Variants in DSC2 observed in about 807,000 individuals in gnomAD.
DSC2 encodes the protein desmocollin 2, also known as desmocollin-2.
A neutral mutation model predicts 87.6 loss-of-function variants in DSC2; 51 were observed. The observed-to-expected ratio is 0.58, with a 90% CI of 0.46 to 0.74. The LOEUF is 0.74. Ranked by LOEUF, DSC2 falls within the 30% of genes least tolerant of loss-of-function variation. DSC2 has a pLI of 0.00. For missense variants in DSC2, 1,066 were observed against 1,089.5 expected, an observed-to-expected ratio of 0.98 and a Z score of 0.30; for synonymous variants, 383 against 393.2, an observed-to-expected ratio of 0.97 and a Z score of 0.31.
chr18:31,066,412 T>G lies in DSC2; in HGVS notation c.*1603A>C. ...ATCATGACTAGTAATATATAAGAATTTTGTATATACTTTATTAAAAATAAC... is the reference window on the plus strand; with the variant it reads ...ATCATGACTAGTAATATATAAGAATGTTGTATATACTTTATTAAAAATAAC... On this transcript the variant is annotated 3_prime_UTR_variant, in exon 16 of 16. Coordinates refer to ENST00000280904, the MANE Select transcript of DSC2 (RefSeq NM_024422.6). The G allele has an allele frequency of 6.6e-6, 1 of 152,282 alleles. No individual in the cohort carries two copies. The highest frequency in any genetic ancestry group is 1.9e-4 in the East Asian group (1 of 5,186). 9.4% of individuals were successfully genotyped at this position (152,282 alleles called of 1,614,324 possible).
In DSC2 at chr18:31,086,580, C is replaced by T; in HGVS notation, c.938G>A (p.Arg313Lys). ...VITTTSSQLD[R>K]ELIDKYQLKI... ...TTTTATTAATGTTTATGTTACCTCTCTGTCTAGCTGAGATGATGTTGTGGT... is the reference window on the plus strand; with the variant it reads ...TTTTATTAATGTTTATGTTACCTCTTTGTCTAGCTGAGATGATGTTGTGGT... Residue 313 changes from arginine to lysine, a missense_variant, in exon 7 of 16, where the codon AGA becomes AAA. Arg to Lys is a conservative substitution (Grantham distance 26, BLOSUM62 2). Transcript: ENST00000280904. 1.2e-6 allele frequency: 2 copies of T among 1,614,112 alleles called. No individual in the cohort carries two copies. The highest frequency in any genetic ancestry group is 1.7e-6 in the Non-Finnish European group (2 of 1,179,988).
rs965885003 is a variant in DSC2 at position 31,066,626 on chromosome 18, T to C, written c.*1389A>G. 3.2e-4 allele frequency: 49 copies of C among 152,210 alleles called. No individual in the cohort carries two copies. Among genetic ancestry groups the C allele is most frequent in the African/African-American group, 1.1e-3 (47 of 41,558 alleles). 9.4% of individuals were successfully genotyped at this position (152,210 alleles called of 1,614,324 possible). On this transcript the variant is annotated 3_prime_UTR_variant, in exon 16 of 16. Coordinates refer to ENST00000280904, the MANE Select transcript of DSC2 (RefSeq NM_024422.6). ...AAAATGTCCATATGTTTAGTATAAA[T>C]AGAAAATTCATTGACTAAAATAAGT...
rs139399951 is a variant in DSC2 at position 31,082,930 on chromosome 18, G to A, written c.1073C>T (p.Thr358Ile). 1.2e-3 allele frequency: 1,888 copies of A among 1,613,162 alleles called. 4 individuals carry two copies. Among genetic ancestry groups the A allele is most frequent in the Admixed American group, 1.4e-3 (84 of 60,006 alleles). ...VNDHLPTFTR[T>I]SYVTSVEENT... ...TAATTAATATCATACACTTACAGAA[G>A]TACGAGTAAATGTTGGCAAGTGGTC... The change falls in exon 8 of 16, where the codon ACT (threonine) becomes ATT (isoleucine). Residue 358 changes from threonine (T) to isoleucine (I), a missense_variant. Transcript: ENST00000280904.
chr18:31,067,371 A>C lies in DSC2; in HGVS notation c.*644T>G, dbSNP rs1986659141. 6.6e-6 allele frequency: 1 copy of C among 152,178 alleles called. No homozygotes were observed. The highest frequency in any genetic ancestry group is 2.4e-5 in the African/African-American group (1 of 41,466). 9.4% of individuals were successfully genotyped at this position (152,178 alleles called of 1,614,324 possible). ...TAAAAATACATTCTGAAAGTATTTT[A>C]AAACTTAAATTTCACTGGCAAAAGT... On this transcript the variant is annotated 3_prime_UTR_variant, in exon 16 of 16. Transcript: ENST00000280904.
Position 31,102,007 on chromosome 18 carries a change from G to C in DSC2, c.-36C>G, listed in dbSNP as rs1017601397. 12 of 1,471,592 alleles carry C rather than the reference G, an allele frequency of 8.2e-6. No homozygotes were observed. The highest frequency in any genetic ancestry group is 9.9e-6 in the Non-Finnish European group (11 of 1,114,408). The allele number at this position is 1,471,592 out of a possible 1,614,324, so 91.2% of individuals were successfully genotyped here. ...CGGGGCAGGTCGCGGGCCGAGCGTC[G>C]GGCCGGGGTAGGAGGGCTCCGCGGG... On this transcript the variant is annotated 5_prime_UTR_variant, in exon 1 of 16. Transcript: ENST00000280904.
At chr18:31,072,422 G>T (rs952128424) in intron 12 of DSC2, among the ~76,000 whole-genome samples, 1 of 152,162 alleles carries the variant, frequency 6.6e-6, no homozygotes, top group African/African-American at 2.4e-5. Flanking sequence ...GGGACCAACT[G>T]CACGTGTCTT....
chr18:31,090,459 A>G (rs903371624), intron 4 of DSC2, among the ~76,000 whole-genome samples: 7 of 152,328 alleles, frequency 4.6e-5, no homozygotes, highest in African/African-American at 1.7e-4. Context: ...TGCTTGGCTC[A>G]TGCCTGTAAT....
rs1364738194 is a variant in DSC2, at chr18:31,069,028, G to A, written c.2374C>T (p.Gln792Ter). 1 of 1,613,990 alleles carries A rather than the reference G, an allele frequency of 6.2e-7. No individual in the cohort carries two copies. Among genetic ancestry groups the A allele is most frequent in the Non-Finnish European group, 8.5e-7 (1 of 1,179,972 alleles). ...GCCCCCCGGCAGGATTCCGAGGTCT[G>A]GTGTCCTCCTTTCACCATTTCGATG... ...ETIEMVKGGH[Q>*]TSESCRGAGH... Residue 792 changes from glutamine (Q) to a stop codon, truncating the protein, a stop_gained, in exon 15 of 16, where the codon CAG becomes TAG. Transcript: ENST00000280904. LOFTEE classifies it high-confidence loss of function.
Position 31,086,612 on chromosome 18 carries a change from G to A in DSC2, c.906C>T (p.Gly302=), listed in dbSNP as rs776857618. 2.8e-5 allele frequency: 45 copies of A among 1,614,040 alleles called. No individual in the cohort carries two copies. Among genetic ancestry groups the A allele is most frequent in the South Asian group, 2.6e-4 (24 of 91,084 alleles). ...PTLFSMHPTT[G]VITTTSSQLD... Reference sequence around the variant, plus strand: ...GCTGAGATGATGTTGTGGTGATCACGCCTGTAGTTGGATGCATAGAAAATA... The same window carrying A: ...GCTGAGATGATGTTGTGGTGATCACACCTGTAGTTGGATGCATAGAAAATA... The change falls in exon 7 of 16, where the codon GGC becomes GGT. Residue 302 remains glycine, a synonymous_variant. Transcript: ENST00000280904.
At chr18:31,087,613 A>G in intron 6 of DSC2, 56 bp downstream of exon 6, 2 of 1,574,506 alleles carry the variant, frequency 1.3e-6, no homozygotes, top group Non-Finnish European at 1.7e-6. Context: ...AGTGAAACTA[A>G]ATGTATGAAT....
At chr18:31,081,908 C>T (rs1444481752) in intron 9 of DSC2, among the ~76,000 whole-genome samples, 2 of 152,098 alleles carry the variant, frequency 1.3e-5, no homozygotes, top group Admixed American at 6.6e-5. Context: ...TAAATAAAGG[C>T]TCCTTGACCC....
rs567409074 is a variant in DSC2 at position 31,059,406 on chromosome 18, C to A, written c.*8609G>T. On this transcript the variant is annotated 3_prime_UTR_variant, in exon 16 of 16. Coordinates refer to ENST00000280904, the MANE Select transcript of DSC2 (RefSeq NM_024422.6). The stretch of plus-strand genomic sequence containing the variant: ...AAGACCAAAAGCACATGAATGCACT[C>A]AGTTATGATAATGTGAGATGATACA... 6.6e-6 allele frequency: 1 copy of A among 152,266 alleles called. No homozygotes were observed. The highest frequency in any genetic ancestry group is 6.5e-5 in the Admixed American group (1 of 15,280). 9.4% of individuals were successfully genotyped at this position (152,266 alleles called of 1,614,324 possible). A position where few individuals can be genotyped will look rare whatever the true frequency, so the allele number is the denominator to read the frequency against.
At position 31,079,962 on chromosome 18, in the gene DSC2, C is replaced by A. The variant is rs1465276759; in HGVS notation, c.1548G>T (p.Gly516=). The change falls in exon 11 of 16, where the codon GGG becomes GGT. Residue 516 remains glycine, a synonymous_variant. Transcript: ENST00000280904. ...IRYKKLTDPT[G]WVTIDENTGS... ...CTGTATTTTCATCAATGGTGACCCA[C>A]CCTGTTGGATCAGTTAATTTCTTAT... 3 of 1,613,766 alleles carry A rather than the reference C, an allele frequency of 1.9e-6. No homozygotes were observed. The highest frequency in any genetic ancestry group is 1.7e-6 in the Non-Finnish European group (2 of 1,179,920).
At chr18:31,077,302 T>C (rs1987055861) in intron 11 of DSC2, among the ~76,000 whole-genome samples, 1 of 152,240 alleles carries the variant, frequency 6.6e-6, no homozygotes, top group Non-Finnish European at 1.5e-5. Context: ...TCTCATGCTA[T>C]GTGGTGTTAC....
chr18:31,072,443 T>C lies in DSC2; in HGVS notation c.1889-602A>G, dbSNP rs574934588. On this transcript the variant is annotated intron_variant, in intron 12 of 15. Transcript: ENST00000280904. ...AACTGCACGTGTCTTAGTTTTGATG[T>C]AGTTTTCTTAGATAAAGGCTAGAAA... 4.6e-5 allele frequency among the ~76,000 whole-genome samples: 7 copies of C among 152,332 alleles called. No individual in the cohort carries two copies. In the South Asian group the frequency reaches 8.3e-4, roughly 18 times the overall value.
At chr18:31,083,689 TG>T (rs2144823445) in intron 7 of DSC2, among the ~76,000 whole-genome samples, 1 of 152,340 alleles carries the variant, frequency 6.6e-6, no homozygotes, top group South Asian at 2.1e-4. Context: ...GATAAAGGTC[TG>T]GGGCTATGTA....
chr18:31,097,637 AT>A (rs1296398704), intron 1 of DSC2, among the ~76,000 whole-genome samples: 1 of 151,864 alleles, frequency 6.6e-6, no homozygotes, highest in Non-Finnish European at 1.5e-5. Flanking sequence ...GATATTACAA[AT>A]CATATAAAAT....
At chr18:31,072,547 C>T (rs763547516) in intron 12 of DSC2, among the ~76,000 whole-genome samples, 44 of 152,120 alleles carry the variant, frequency 2.9e-4, no homozygotes, top group Non-Finnish European at 4.1e-4. Context: ...TTTTTATGCT[C>T]ATGTGTGAGA....
intron 1 of DSC2, among the ~76,000 whole-genome samples, chr18:31,097,833 T>A (rs1987811847): frequency 6.6e-6 from 1 of 151,840 alleles, no homozygotes; most frequent in African/African-American, 2.4e-5. Flanking sequence ...CTTGCCTACA[T>A]CGCACGTTGT....
Sources: gnomAD v4.1 joint callset for allele counts (sites outside exome capture counted in the v4.1 genomes callset) on GRCh38, gnomAD v4.1.1 for gene constraint, MANE v1.5 for transcripts, NCBI Gene and HGNC (gene_info 2026-07-23, HGNC 2026-07-21) for gene names.